Variants in GATAD2A observed in about 807,000 individuals in gnomAD.
The protein encoded by GATAD2A is transcriptional repressor p66-alpha.
GATAD2A carries 12 observed loss-of-function variants against 68.5 expected under a neutral mutation model. That is an observed-to-expected ratio of 0.18 (90% CI 0.11 to 0.28). GATAD2A has a LOEUF of 0.28. Among genes scored for constraint, GATAD2A ranks in the 10% least tolerant of loss-of-function variants. The probability of loss-of-function intolerance (pLI) is 1.00; values close to 1 mark genes in which losing one functional copy is unlikely to be tolerated. For synonymous variants in GATAD2A, 410 were observed against 375.3 expected, an observed-to-expected ratio of 1.09 and a Z score of -1.07; for missense variants, 755 against 868.5, an observed-to-expected ratio of 0.87 and a Z score of 1.64.
chr19:19,451,786 G>T (rs1440007192), intron 1 of GATAD2A, among the ~76,000 whole-genome samples: 1 of 152,214 alleles, frequency 6.6e-6, no homozygotes, highest in African/African-American at 2.4e-5. Flanking sequence ...CTGTGTGGAC[G>T]CTGATTGCTC....
In GATAD2A at chr19:19,495,746, G is replaced by A. The variant is rs2060108186; in HGVS notation, c.625-8G>A. On this transcript the variant is annotated splice_region_variant and splice_polypyrimidine_tract_variant and intron_variant, in intron 5 of 11. Transcript: ENST00000683918. ...CCATGTAAATCTGGGTCTTGGTATCGTTGGCAGACCTCTTCAGCTCGGATG... is the reference window on the plus strand; with the variant it reads ...CCATGTAAATCTGGGTCTTGGTATCATTGGCAGACCTCTTCAGCTCGGATG... 1.3e-6 allele frequency: 2 copies of A among 1,598,348 alleles called. No individual in the cohort carries two copies. Among genetic ancestry groups the A allele is most frequent in the Non-Finnish European group, 1.7e-6 (2 of 1,168,556 alleles).
At chr19:19,502,104 G>C (rs765601385) in intron 10 of GATAD2A, 61 bp downstream of exon 10, 106 of 1,218,368 alleles carry the variant, frequency 8.7e-5, no homozygotes, top group Non-Finnish European at 1.2e-4. Context: ...GACCACGTCA[G>C]TCGCCGACTG....
chr19:19,394,095 C>T (rs1257648003), intron 1 of GATAD2A, among the ~76,000 whole-genome samples: 1 of 151,892 alleles, frequency 6.6e-6, no homozygotes, highest in Non-Finnish European at 1.5e-5. Flanking sequence ...ACCATGTTGC[C>T]CAGGGTGGTC....
chr19:19,410,431 T>G (rs1302462535), intron 1 of GATAD2A, among the ~76,000 whole-genome samples: 1 of 151,894 alleles, frequency 6.6e-6, no homozygotes, highest in Non-Finnish European at 1.5e-5. Context: ...TGGGGAGGGG[T>G]GTGGCCATGT....
intron 7 of GATAD2A, among the ~76,000 whole-genome samples, chr19:19,497,194 C>T (rs934531406): frequency 1.3e-5 from 2 of 152,240 alleles, no homozygotes; most frequent in African/African-American, 4.8e-5. Context: ...CTCCATCTCC[C>T]AGGAGATACT....
rs911807702 is a variant in GATAD2A, at chr19:19,488,038, G to A, written c.270-4268G>A. 3.3e-5 allele frequency among the ~76,000 whole-genome samples: 5 copies of A among 152,344 alleles called. No individual in the cohort carries two copies. In the South Asian group the frequency reaches 8.3e-4, roughly 25 times the overall value. ...TGTACCGAGGCCTCACGAGCTACAG[G>A]TCATGGTCATCCCTAACTTCCCTAG... On this transcript the variant is annotated intron_variant, in intron 2 of 11. Coordinates refer to ENST00000683918, the MANE Select transcript of GATAD2A (RefSeq NM_001384528.1).
intron 1 of GATAD2A, among the ~76,000 whole-genome samples, chr19:19,429,891 A>G (rs2053541785): frequency 6.6e-6 from 1 of 151,986 alleles, no homozygotes. Context: ...CAGAGGGTTG[A>G]TGGGGCTCTG....
intron 8 of GATAD2A, among the ~76,000 whole-genome samples, 180 bp from the exon 9 acceptor site, chr19:19,500,938 G>A (rs566412224): frequency 2.6e-5 from 4 of 152,222 alleles, no homozygotes; most frequent in Admixed American, 1.3e-4. Flanking sequence ...GGAGGCCGAC[G>A]TTTTCTGAAG....
chr19:19,456,410 G>C (rs908621415), intron 1 of GATAD2A, among the ~76,000 whole-genome samples: 2 of 152,090 alleles, frequency 1.3e-5, no homozygotes. Flanking sequence ...AGTTTTCCCC[G>C]AGGTGAGGGT....
chr19:19,388,952 G>T (rs2048654811), intron 1 of GATAD2A, among the ~76,000 whole-genome samples: 1 of 152,122 alleles, frequency 6.6e-6, no homozygotes, highest in Non-Finnish European at 1.5e-5. Context: ...GATCACCTTA[G>T]ATCCAGAAAC....
intron 1 of GATAD2A, among the ~76,000 whole-genome samples, chr19:19,425,463 G>A (rs1225574328): frequency 6.6e-6 from 1 of 152,206 alleles, no homozygotes; most frequent in Non-Finnish European, 1.5e-5. Flanking sequence ...GGCCTGTTTA[G>A]AGGTGAATGA....
chr19:19,448,070 C>T (rs1432672470), intron 1 of GATAD2A, among the ~76,000 whole-genome samples: 1 of 152,232 alleles, frequency 6.6e-6, no homozygotes, highest in Non-Finnish European at 1.5e-5. Context: ...ATGGAAATGG[C>T]AGGCGTAACC....
At chr19:19,435,105 C>T (rs1171979226) in intron 1 of GATAD2A, 3 of 533,542 alleles carry the variant, frequency 5.6e-6, no homozygotes, top group Non-Finnish European at 1.2e-5. Flanking sequence ...CATCAGATCC[C>T]TTATCTGTAA....
chr19:19,435,349 A>T (rs1176080613), intron 1 of GATAD2A, among the ~76,000 whole-genome samples: 1 of 151,832 alleles, frequency 6.6e-6, no homozygotes, highest in Admixed American at 6.6e-5. Context: ...TCAGCCTCCC[A>T]AGTAGATGGG....
rs1452966573 is a variant in GATAD2A, at chr19:19,495,761, C to T, written c.632C>T (p.Ser211Leu). 2.5e-6 allele frequency: 4 copies of T among 1,610,092 alleles called. No individual in the cohort carries two copies. The highest frequency in any genetic ancestry group is 1.7e-4 in the Middle Eastern group (1 of 6,044). ...PAGKPSLQTS[S>L]ARMPGSVIPP... ...TCTTGGTATCGTTGGCAGACCTCTTCAGCTCGGATGCCCGGCAGTGTCATA... is the reference window on the plus strand; with the variant it reads ...TCTTGGTATCGTTGGCAGACCTCTTTAGCTCGGATGCCCGGCAGTGTCATA... The change falls in exon 6 of 12, where the codon TCA (serine) becomes TTA (leucine). Residue 211 changes from serine to leucine, a missense_variant. By Grantham distance (145) the Ser-to-Leu change is moderately radical. Transcript: ENST00000683918.
At position 19,480,949 on chromosome 19, in the gene GATAD2A, C is replaced by T. The variant is rs151271038; in HGVS notation, c.270-11357C>T. Among the ~76,000 whole-genome samples the T allele has an allele frequency of 1.1e-4, 17 of 152,326 alleles. No homozygotes were observed. The East Asian group carries it at 2.5e-3, about 22-fold the overall frequency. ...TCCATTCATTGAGAAAGTTTGTGGT[C>T]GTTTCAGAAGCAGTGTGTGTTTCAT... On this transcript the variant is annotated intron_variant, in intron 2 of 11. Coordinates refer to ENST00000683918, the MANE Select transcript of GATAD2A (RefSeq NM_001384528.1).
At chr19:19,452,397 G>T (rs1426796836) in intron 1 of GATAD2A, among the ~76,000 whole-genome samples, 2 of 152,192 alleles carry the variant, frequency 1.3e-5, no homozygotes. Context: ...CTTTGTAACA[G>T]TGACTTGGCA....
At chr19:19,407,924 C>T (rs1047336583) in intron 1 of GATAD2A, among the ~76,000 whole-genome samples, 10 of 152,172 alleles carry the variant, frequency 6.6e-5, no homozygotes, top group Admixed American at 1.3e-4. Flanking sequence ...CATAAAATTC[C>T]GAAGCTGGTT....
intron 2 of GATAD2A, among the ~76,000 whole-genome samples, chr19:19,468,598 A>G (rs992681145): frequency 3.3e-5 from 5 of 152,256 alleles, no homozygotes; most frequent in African/African-American, 9.6e-5. Context: ...GGGAGCATTA[A>G]TAAGATGAAC....
Sources: gnomAD v4.1 joint callset for allele counts (sites outside exome capture counted in the v4.1 genomes callset) on GRCh38, gnomAD v4.1.1 for gene constraint, MANE v1.5 for transcripts, NCBI Gene and HGNC (gene_info 2026-07-23, HGNC 2026-07-21) for gene names.